The following CNTNAP5 variants were observed in gnomAD, a reference collection of about 807,000 sequenced individuals.
CNTNAP5 encodes contactin associated protein family member 5.
A neutral mutation model predicts 150.2 loss-of-function variants in CNTNAP5; 72 were observed. The observed-to-expected ratio is 0.48, with a 90% CI of 0.40 to 0.58. The LOEUF (loss-of-function observed/expected upper bound fraction) is 0.58, where lower values mean the gene tolerates loss of function less well. Among genes scored for constraint, CNTNAP5 ranks in the 20% least tolerant of loss-of-function variants. The pLI, the probability that CNTNAP5 is intolerant of heterozygous loss-of-function variation, is 0.00. For missense variants in CNTNAP5, 1,636 were observed against 1,626.2 expected, an observed-to-expected ratio of 1.01 and a Z score of -0.10; for synonymous variants, 672 against 619.8, an observed-to-expected ratio of 1.08 and a Z score of -1.25.
At chr2:124,599,361 T>G (rs1297524312) in intron 11 of CNTNAP5, among the ~76,000 whole-genome samples, 1 of 152,162 alleles carries the variant, frequency 6.6e-6, no homozygotes, top group Non-Finnish European at 1.5e-5. Flanking sequence ...TTTATTTAAA[T>G]ATTTAGATAA....
chr2:124,767,767 G>A (rs973553456), intron 16 of CNTNAP5, among the ~76,000 whole-genome samples: 1 of 152,178 alleles, frequency 6.6e-6, no homozygotes, highest in African/African-American at 2.4e-5. Flanking sequence ...AGAGGAGGTA[G>A]GACTGGCTTC....
intron 13 of CNTNAP5, among the ~76,000 whole-genome samples, chr2:124,706,820 AGGAGGAAGAGGAGGAGGGGGAG>A (rs1679660035): frequency 2.4e-4 from 1 of 4,240 alleles, no homozygotes; most frequent in Non-Finnish European, 6.5e-4. Context: ...GAGGAGGAGG[AGGAGGAAGAGGAGGAGGGGGAG>A]GAAGGAGGAG....
chr2:124,690,016 T>TA (rs1213267346), intron 13 of CNTNAP5, among the ~76,000 whole-genome samples: 1 of 143,650 alleles, frequency 7.0e-6, no homozygotes, highest in African/African-American at 2.5e-5. Flanking sequence ...CATCTTCACT[T>TA]ACGGGAAATT....
intron 1 of CNTNAP5, among the ~76,000 whole-genome samples, chr2:124,039,900 T>C (rs1681321063): frequency 6.6e-6 from 1 of 152,180 alleles, no homozygotes; most frequent in African/African-American, 2.4e-5. Context: ...TAGTTTTTTT[T>C]CATGGTTAGT....
chr2:124,858,450 A>G (rs1353345415), intron 19 of CNTNAP5, among the ~76,000 whole-genome samples: 1 of 152,236 alleles, frequency 6.6e-6, no homozygotes, highest in African/African-American at 2.4e-5. Context: ...ACTCCCATCC[A>G]CAATTGCTTC....
intron 1 of CNTNAP5, among the ~76,000 whole-genome samples, chr2:124,128,952 C>T (rs1683782075): frequency 1.3e-5 from 2 of 151,956 alleles, no homozygotes; most frequent in Non-Finnish European, 2.9e-5. Context: ...AGGAGATAAA[C>T]CTAATGTAAA....
intron 11 of CNTNAP5, among the ~76,000 whole-genome samples, chr2:124,600,789 C>T (rs1231537043): frequency 3.5e-5 from 5 of 141,440 alleles, no homozygotes; most frequent in African/African-American, 5.3e-5. Context: ...AAGAGAGAAG[C>T]AAAAACCACA....
intron 1 of CNTNAP5, among the ~76,000 whole-genome samples, chr2:124,161,031 A>G (rs993438064): frequency 2.6e-5 from 4 of 152,200 alleles, no homozygotes; most frequent in Non-Finnish European, 5.9e-5. Flanking sequence ...CAGCAAGATC[A>G]GAGGAAATAT....
At chr2:124,157,384 G>T (rs904919037) in intron 1 of CNTNAP5, among the ~76,000 whole-genome samples, 2 of 152,182 alleles carry the variant, frequency 1.3e-5, no homozygotes, top group Non-Finnish European at 2.9e-5. Context: ...CTTCTCTAGT[G>T]CTCTATGGAG....
intron 1 of CNTNAP5, among the ~76,000 whole-genome samples, chr2:124,167,206 G>A (rs962017466): frequency 2.0e-5 from 3 of 152,122 alleles, no homozygotes; most frequent in Non-Finnish European, 4.4e-5. Flanking sequence ...TTACTTTTAA[G>A]TGATGTTCTC....
chr2:124,327,467 A>G (rs554905817), intron 3 of CNTNAP5, among the ~76,000 whole-genome samples: 1 of 152,100 alleles, frequency 6.6e-6, no homozygotes, highest in African/African-American at 2.4e-5. Flanking sequence ...TGGGGTTTTG[A>G]CATTATACCC....
chr2:124,911,404 C>G, intron 22 of CNTNAP5, 63 bp from the exon 23 acceptor site: 1 of 1,268,548 alleles, frequency 7.9e-7, no homozygotes, highest in Admixed American at 2.0e-5. Context: ...GTGGGCCACA[C>G]TGTAGGCTTC....
chr2:124,236,341 T>G (rs908821516), intron 2 of CNTNAP5, among the ~76,000 whole-genome samples: 9 of 152,210 alleles, frequency 5.9e-5, no homozygotes, highest in African/African-American at 1.9e-4. Flanking sequence ...TGGACCAGGC[T>G]GCAACACCTT....
chr2:124,374,047 G>T (rs1043569936), intron 3 of CNTNAP5, among the ~76,000 whole-genome samples: 1 of 151,956 alleles, frequency 6.6e-6, no homozygotes, highest in Non-Finnish European at 1.5e-5. Context: ...ATCTATGGTG[G>T]TGATATTTTG....
At chr2:124,388,318 G>A (rs1690985437) in intron 3 of CNTNAP5, among the ~76,000 whole-genome samples, 1 of 152,106 alleles carries the variant, frequency 6.6e-6, no homozygotes, top group African/African-American at 2.4e-5. Context: ...TGCAGTGGCA[G>A]CAGTCATTGA....
chr2:124,283,399 C>A (rs190529681), intron 3 of CNTNAP5, among the ~76,000 whole-genome samples: 103 of 152,284 alleles, frequency 6.8e-4, no homozygotes, highest in Non-Finnish European at 4.4e-5. Flanking sequence ...GCTATCTGAC[C>A]CTAGCATCTG....
intron 1 of CNTNAP5, among the ~76,000 whole-genome samples, chr2:124,069,842 T>G (rs888528649): frequency 1.3e-5 from 2 of 152,140 alleles, no homozygotes; most frequent in Non-Finnish European, 2.9e-5. Context: ...AAGAAATTAT[T>G]TGAGGTACAA....
chr2:124,032,038 A>G (rs756733914), intron 1 of CNTNAP5, among the ~76,000 whole-genome samples: 11 of 152,196 alleles, frequency 7.2e-5, no homozygotes, highest in Admixed American at 3.3e-4. Context: ...ATGAATCTGG[A>G]GAAATAATAA....
chr2:124,812,173 A>T (rs1179478610), intron 19 of CNTNAP5, among the ~76,000 whole-genome samples: 1 of 121,732 alleles, frequency 8.2e-6, no homozygotes, highest in Non-Finnish European at 1.6e-5. Context: ...ATATGTATTT[A>T]TAATACATAA....
Sources: gnomAD v4.1 joint callset for allele counts (sites outside exome capture counted in the v4.1 genomes callset) on GRCh38, gnomAD v4.1.1 for gene constraint, MANE v1.5 for transcripts, NCBI Gene and HGNC (gene_info 2026-07-23, HGNC 2026-07-21) for gene names.